ATXN7L1: variants seen among roughly 807,000 people sequenced by gnomAD.
ATXN7L1 encodes ataxin-7-like protein 1.
A neutral mutation model predicts 70.8 loss-of-function variants in ATXN7L1; 15 were observed. The observed-to-expected ratio is 0.21, with a 90% confidence interval of 0.14 to 0.33. ATXN7L1 has a LOEUF of 0.33. ATXN7L1 is among the 10% of genes least tolerant of loss of function. The pLI is 1.00. For synonymous variants in ATXN7L1, 440 were observed against 445.1 expected (o/e 0.99, Z 0.14); for missense variants, 975 against 1,097.1 (o/e 0.89, Z 1.57).
At chr7:105,805,308 G>A (rs923500970) in intron 2 of ATXN7L1, among the ~76,000 whole-genome samples, 14 of 152,216 alleles carry the variant, frequency 9.2e-5, no homozygotes, top group African/African-American at 3.1e-4. Context: ...CCTTAGTGCT[G>A]TGGGGTGGGA....
chr7:105,661,080 T>C (rs757533155), intron 4 of ATXN7L1, among the ~76,000 whole-genome samples: 1 of 152,182 alleles, frequency 6.6e-6, no homozygotes, highest in Non-Finnish European at 1.5e-5. Flanking sequence ...GGTTATGCAC[T>C]GTGAGAGGAT....
At chr7:105,669,919 CAAA>C (rs756313448) in intron 3 of ATXN7L1, among the ~76,000 whole-genome samples, 3 of 71,278 alleles carry the variant, frequency 4.2e-5, no homozygotes, top group Non-Finnish European at 5.8e-5. Context: ...AACTCCATCT[CAAA>C]AAAAAAAAAA....
At chr7:105,756,434 G>A (rs1799816807) in intron 3 of ATXN7L1, among the ~76,000 whole-genome samples, 1 of 152,194 alleles carries the variant, frequency 6.6e-6, no homozygotes, top group Admixed American at 6.5e-5. Flanking sequence ...ACCAGGGAAT[G>A]CTTCTCTTTA....
At chr7:105,774,110 G>A (rs1448018806) in intron 3 of ATXN7L1, among the ~76,000 whole-genome samples, 1 of 152,134 alleles carries the variant, frequency 6.6e-6, no homozygotes, top group East Asian at 1.9e-4. Context: ...TTGGCCATAA[G>A]GGCTAGAAGT....
chr7:105,808,517 C>A (rs896561927), intron 2 of ATXN7L1, among the ~76,000 whole-genome samples: 4 of 152,136 alleles, frequency 2.6e-5, no homozygotes, highest in African/African-American at 9.7e-5. Flanking sequence ...CTGTGGTGAA[C>A]TATTATGGGA....
rs1451901553 is a variant in ATXN7L1 at position 105,634,636 on chromosome 7, G to A, written c.1202+3717C>T. 4.6e-5 allele frequency among the ~76,000 whole-genome samples: 7 copies of A among 152,040 alleles called. 1 individual carries two copies. The highest frequency in any genetic ancestry group is 4.6e-4 in the Admixed American group (7 of 15,262). On this transcript the variant is annotated intron_variant, in intron 7 of 11. Coordinates refer to ENST00000419735, the MANE Select transcript of ATXN7L1 (RefSeq NM_020725.2). ...CTTCCTAAATATTGGGATTACATAC[G>A]TGAGCCACTGCGCCTGGCCTCAGAT...
chr7:105,709,844 C>T lies in ATXN7L1; in HGVS notation c.356-44556G>A, dbSNP rs1000581858. Among the ~76,000 whole-genome samples, 4 of 151,132 alleles carry T rather than the reference C, an allele frequency of 2.6e-5. No homozygotes were observed. The South Asian group carries it at 8.3e-4, about 31-fold the overall frequency. On this transcript the variant is annotated intron_variant, in intron 3 of 11. Transcript: ENST00000419735. ...CAGCCATCTCCTGATCTTCTGGTTT[C>T]CCCATACCCAAATAATAATAAAGCT...
chr7:105,859,800 T>C (rs1224827201), intron 2 of ATXN7L1, among the ~76,000 whole-genome samples: 1 of 97,032 alleles, frequency 1.0e-5, no homozygotes, highest in Non-Finnish European at 2.1e-5. Context: ...TTTTTTTTTT[T>C]GAGACAGAGT....
At position 105,610,623 on chromosome 7, in the gene ATXN7L1, C is replaced by A. The variant is rs548297146; in HGVS notation, c.2473-20G>T. The A allele has an allele frequency of 1.3e-6, 2 of 1,549,304 alleles. No homozygotes were observed. Among genetic ancestry groups the A allele is most frequent in the Admixed American group, 3.9e-5 (2 of 50,896 alleles). Reference sequence around the variant, plus strand: ...CCCAACCTGAAAGACACCATTGAAGCCCCACTCAGACACACGAGCCAGCCT... The same window carrying A: ...CCCAACCTGAAAGACACCATTGAAGACCCACTCAGACACACGAGCCAGCCT... On this transcript the variant is annotated intron_variant, in intron 10 of 11. Transcript: ENST00000419735.
intron 2 of ATXN7L1, among the ~76,000 whole-genome samples, chr7:105,806,322 C>T (rs1358251782): frequency 2.0e-5 from 3 of 152,102 alleles, no homozygotes; most frequent in Non-Finnish European, 4.4e-5. Flanking sequence ...GGAAGAGACA[C>T]CAGGGCCCTC....
chr7:105,674,906 A>G (rs928524470), intron 3 of ATXN7L1, among the ~76,000 whole-genome samples: 3 of 152,170 alleles, frequency 2.0e-5, no homozygotes, highest in African/African-American at 7.2e-5. Context: ...CAAGACACCT[A>G]GACTAGCTAA....
chr7:105,623,872 A>G (rs900291673), intron 8 of ATXN7L1, among the ~76,000 whole-genome samples: 1 of 152,232 alleles, frequency 6.6e-6, no homozygotes, highest in African/African-American at 2.4e-5. Context: ...ACTTGGGATT[A>G]TAATAAGCTG....
At chr7:105,847,717 C>T (rs1431164659) in intron 2 of ATXN7L1, among the ~76,000 whole-genome samples, 3 of 152,180 alleles carry the variant, frequency 2.0e-5, no homozygotes, top group Non-Finnish European at 4.4e-5. Context: ...TTCTCTGCCC[C>T]AGTTTACTCG....
At chr7:105,723,383 G>A (rs542968369) in intron 3 of ATXN7L1, among the ~76,000 whole-genome samples, 2 of 152,260 alleles carry the variant, frequency 1.3e-5, no homozygotes, top group East Asian at 3.9e-4. Context: ...CACACAGTAT[G>A]TATTCAATAA....
intron 10 of ATXN7L1, 73 bp from the exon 11 acceptor site, chr7:105,610,676 C>A: frequency 7.5e-7 from 1 of 1,325,100 alleles, no homozygotes; most frequent in South Asian, 1.3e-5. Context: ...GCCACATGTT[C>A]TAGGGGAAAG....
chr7:105,662,057 TCCTTCCTTCCTTCCTTCCTTCC>T lies in ATXN7L1; in HGVS notation c.578+2987_578+3008del, dbSNP rs1562967479. Reference sequence around the variant, plus strand: ...TTCCTTCCTTCCTTCCTTCCTTCCTTCCTTCCTTCCTTCCTTCCTTCCTTCTTTCTTTTCTTTTCTTTTCTTT... The same window carrying T: ...TTCCTTCCTTCCTTCCTTCCTTCCTTTTCTTTCTTTTCTTTTCTTTTCTTT... On this transcript the variant is annotated intron_variant, in intron 4 of 11. Coordinates refer to ENST00000419735, the MANE Select transcript of ATXN7L1 (RefSeq NM_020725.2). Among the ~76,000 whole-genome samples the T allele has an allele frequency of 2.9e-4, 28 of 96,702 alleles. No individual in the cohort carries two copies. The East Asian group carries it at 0.01, about 36-fold the overall frequency. 63.4% of individuals were successfully genotyped at this position (96,702 alleles called of 152,430 possible). A position where few individuals can be genotyped will look rare whatever the true frequency, so the allele number is the denominator to read the frequency against.
chr7:105,811,245 G>A (rs1808383830), intron 2 of ATXN7L1, among the ~76,000 whole-genome samples: 1 of 152,142 alleles, frequency 6.6e-6, no homozygotes, highest in Admixed American at 6.5e-5. Flanking sequence ...AGGTGGACAG[G>A]GAGAACACCA....
chr7:105,802,427 G>A (rs943638052), intron 2 of ATXN7L1, among the ~76,000 whole-genome samples: 2 of 152,096 alleles, frequency 1.3e-5, no homozygotes, highest in Non-Finnish European at 2.9e-5. Flanking sequence ...ATAAGGAGCC[G>A]TAAGCCCTGC....
At chr7:105,702,555 CACACACACAGACACACAT>C (rs1278513717) in intron 3 of ATXN7L1, among the ~76,000 whole-genome samples, 1 of 151,044 alleles carries the variant, frequency 6.6e-6, no homozygotes, top group Non-Finnish European at 1.5e-5. Context: ...AACACACACA[CACACACACAGACACACAT>C]ACACACACAC....
Sources: gnomAD v4.1 joint callset for allele counts (sites outside exome capture counted in the v4.1 genomes callset) on GRCh38, gnomAD v4.1.1 for gene constraint, MANE v1.5 for transcripts, NCBI Gene and HGNC (gene_info 2026-07-23, HGNC 2026-07-21) for gene names.